The following STXBP5 variants were observed in gnomAD, a reference collection of about 807,000 sequenced individuals.
The protein encoded by STXBP5 is syntaxin-binding protein 5.
STXBP5 carries 50 observed loss-of-function variants against 152.4 expected under a neutral mutation model. The observed-to-expected ratio is 0.33, with a 90% CI of 0.26 to 0.42. The LOEUF (loss-of-function observed/expected upper bound fraction) is 0.42. Ranked by LOEUF, STXBP5 falls within the 10% of genes least tolerant of loss-of-function variation. The pLI is 1.00. For synonymous variants in STXBP5, 492 were observed against 494.7 expected (o/e 0.99, Z 0.07); for missense variants, 1,167 against 1,388.6 (o/e 0.84, Z 2.54).
At position 147,291,190 on chromosome 6, in the gene STXBP5, T is replaced by G. The variant is rs1416800733; in HGVS notation, c.917+18T>G. 1 of 1,602,680 alleles carries G rather than the reference T, an allele frequency of 6.2e-7. No homozygotes were observed. Among genetic ancestry groups the G allele is most frequent in the African/African-American group, 1.3e-5 (1 of 74,676 alleles). Reference sequence around the variant, plus strand: ...AGATCTGGGTAAGATTTTACTTCATTGCCAATGTTCATTGTATATAAGTCC... The same window carrying G: ...AGATCTGGGTAAGATTTTACTTCATGGCCAATGTTCATTGTATATAAGTCC... On this transcript the variant is annotated intron_variant, in intron 9 of 27. Transcript: ENST00000321680.
intron 2 of STXBP5, among the ~76,000 whole-genome samples, chr6:147,206,726 A>G (rs952429937): frequency 3.3e-5 from 5 of 152,152 alleles, no homozygotes; most frequent in African/African-American, 1.2e-4. Flanking sequence ...TTAAACTAGT[A>G]GTATAGAATT....
intron 9 of STXBP5, among the ~76,000 whole-genome samples, chr6:147,308,813 T>C (rs943312417): frequency 6.6e-6 from 1 of 152,098 alleles, no homozygotes; most frequent in African/African-American, 2.4e-5. Context: ...TAAAAATAAA[T>C]ATAATTTAGT....
intron 18 of STXBP5, among the ~76,000 whole-genome samples, chr6:147,332,710 T>C (rs1783636629): frequency 1.3e-5 from 2 of 152,168 alleles, no homozygotes; most frequent in Non-Finnish European, 2.9e-5. Context: ...GGACTTTGAC[T>C]TTTACCCTGA....
chr6:147,269,762 A>T (rs527375260), intron 7 of STXBP5, among the ~76,000 whole-genome samples: 237 of 152,252 alleles, frequency 1.6e-3, no homozygotes, highest in Admixed American at 3.8e-3. Context: ...CGCTTCAGGA[A>T]ATAGCAGTAG....
chr6:147,356,640 A>G (rs548111965), intron 22 of STXBP5, among the ~76,000 whole-genome samples: 1 of 152,120 alleles, frequency 6.6e-6, no homozygotes, highest in African/African-American at 2.4e-5. Context: ...TAGTATTATC[A>G]TAACTAATAA....
chr6:147,370,051 A>G (rs1354390728), intron 25 of STXBP5, among the ~76,000 whole-genome samples: 1 of 152,116 alleles, frequency 6.6e-6, no homozygotes, highest in African/African-American at 2.4e-5. Context: ...TTTATCATAC[A>G]GTAGAATTCT....
intron 10 of STXBP5, 68 bp from the exon 11 acceptor site, chr6:147,311,387 A>C: frequency 1.6e-6 from 2 of 1,289,680 alleles, no homozygotes; most frequent in Non-Finnish European, 2.2e-6. Flanking sequence ...ATCAAGCAAG[A>C]AACATTTATC....
chr6:147,383,400 C>T (rs1786187769), intron 27 of STXBP5, among the ~76,000 whole-genome samples: 1 of 152,024 alleles, frequency 6.6e-6, no homozygotes, highest in South Asian at 2.1e-4. Flanking sequence ...AATTGACAAA[C>T]CTTTTTATTT....
chr6:147,285,429 G>T (rs900179585), intron 8 of STXBP5, among the ~76,000 whole-genome samples: 3 of 151,014 alleles, frequency 2.0e-5, no homozygotes, highest in Non-Finnish European at 4.4e-5. Context: ...GCAGTAATCA[G>T]AGACATTATT....
At chr6:147,370,591 A>G (rs1435070027) in intron 25 of STXBP5, among the ~76,000 whole-genome samples, 1 of 152,078 alleles carries the variant, frequency 6.6e-6, no homozygotes, top group Non-Finnish European at 1.5e-5. Context: ...CAAATGGACT[A>G]TAATATATTC....
intron 25 of STXBP5, among the ~76,000 whole-genome samples, chr6:147,364,704 G>C (rs1328548805): frequency 6.6e-6 from 1 of 152,138 alleles, no homozygotes; most frequent in Non-Finnish European, 1.5e-5. Context: ...TGCTGTATGT[G>C]CTTCTGTGTG....
intron 21 of STXBP5, among the ~76,000 whole-genome samples, chr6:147,341,410 A>C (rs762803681): frequency 1.6e-3 from 248 of 152,300 alleles, no homozygotes; most frequent in South Asian, 4.3e-3. Context: ...TCACCGTATC[A>C]TCCGATCTGG....
chr6:147,331,805 T>TAAA (rs758010688), intron 18 of STXBP5, among the ~76,000 whole-genome samples: 54 of 115,302 alleles, frequency 4.7e-4, no homozygotes, highest in African/African-American at 7.8e-4. Context: ...TTCTACCAGT[T>TAAA]AAAAAAAAAA....
chr6:147,363,609 A>G lies in STXBP5; in HGVS notation c.2820A>G (p.Thr940=), dbSNP rs1442120038. ...TQNCAYKQNI[T]ETSFVLRGDI... ...ACTGTGCTTATAAGCAAAATATTACAGAGACCTCGTTTGTGCTTCGTGGAG... is the reference window on the plus strand; with the variant it reads ...ACTGTGCTTATAAGCAAAATATTACGGAGACCTCGTTTGTGCTTCGTGGAG... Residue 940 remains threonine, a synonymous_variant, in exon 24 of 28, where the codon ACA becomes ACG. Coordinates refer to ENST00000321680, the MANE Select transcript of STXBP5 (RefSeq NM_001127715.4). 1.2e-6 allele frequency: 2 copies of G among 1,614,186 alleles called. No individual in the cohort carries two copies. Among genetic ancestry groups the G allele is most frequent in the Non-Finnish European group, 1.7e-6 (2 of 1,180,032 alleles).
rs1305644636 is a variant in STXBP5, at chr6:147,386,824, G to C, written c.*2069G>C. Reference sequence around the variant, plus strand: ...AAAGCATTATGTAGATTAATATACTGGTTGGTTCCCTATCTATGTGGAAGG... The same window carrying C: ...AAAGCATTATGTAGATTAATATACTCGTTGGTTCCCTATCTATGTGGAAGG... On this transcript the variant is annotated 3_prime_UTR_variant, in exon 28 of 28. Coordinates refer to ENST00000321680, the MANE Select transcript of STXBP5 (RefSeq NM_001127715.4). 1 of 151,634 alleles carries C rather than the reference G, an allele frequency of 6.6e-6. No homozygotes were observed. The highest frequency in any genetic ancestry group is 1.9e-4 in the East Asian group (1 of 5,162). 9.4% of individuals were successfully genotyped at this position (151,634 alleles called of 1,614,324 possible).
At chr6:147,328,122 C>G (rs1159465661) in intron 18 of STXBP5, among the ~76,000 whole-genome samples, 3 of 152,114 alleles carry the variant, frequency 2.0e-5, no homozygotes, top group Non-Finnish European at 1.5e-5. Flanking sequence ...ACTGTAATAC[C>G]TCAAGGTACA....
At chr6:147,326,154 A>G (rs1783245002) in intron 17 of STXBP5, among the ~76,000 whole-genome samples, 1 of 152,176 alleles carries the variant, frequency 6.6e-6, no homozygotes, top group Non-Finnish European at 1.5e-5. Flanking sequence ...ACAGTCTGAG[A>G]TAGTCTTCTT....
chr6:147,274,291 TA>T (rs1780332629), intron 7 of STXBP5, among the ~76,000 whole-genome samples: 1 of 152,126 alleles, frequency 6.6e-6, no homozygotes. Context: ...GAGGCAGTCT[TA>T]CTCTGTTGCC....
intron 22 of STXBP5, among the ~76,000 whole-genome samples, chr6:147,354,315 A>G (rs947478871): frequency 1.3e-4 from 20 of 152,234 alleles, no homozygotes; most frequent in African/African-American, 4.6e-4. Flanking sequence ...GAGTAGGCAT[A>G]CAATATATTC....
Sources: gnomAD v4.1 joint callset for allele counts (sites outside exome capture counted in the v4.1 genomes callset) on GRCh38, gnomAD v4.1.1 for gene constraint, MANE v1.5 for transcripts, NCBI Gene and HGNC (gene_info 2026-07-23, HGNC 2026-07-21) for gene names.